Variants in FAM3D observed in about 807,000 individuals in gnomAD.
FAM3D encodes the protein FAM3 metabolism regulating signaling molecule D.
In FAM3D, 26 loss-of-function variants were observed where a neutral mutation model predicts 29.8. That is an observed-to-expected ratio of 0.87 (90% CI 0.64 to 1.21). The LOEUF (loss-of-function observed/expected upper bound fraction) is 1.21, where lower values mean the gene tolerates loss of function less well. FAM3D is among the 50% of genes most tolerant of loss of function. The probability of loss-of-function intolerance (pLI) is 0.00; values close to 1 mark genes in which losing one functional copy is unlikely to be tolerated. For missense variants in FAM3D, 253 were observed against 290.9 expected (o/e 0.87, Z 0.95); for synonymous variants, 115 against 102.3 (o/e 1.12, Z -0.75).
At chr3:58,650,992 C>T (rs1240119177) in intron 3 of FAM3D, among the ~76,000 whole-genome samples, 1 of 149,692 alleles carries the variant, frequency 6.7e-6, no homozygotes, top group Non-Finnish European at 1.5e-5. Context: ...GCTGGGATTA[C>T]AGGCGTGAGC....
In FAM3D at chr3:58,634,077, C is replaced by T. The variant is rs1184140953; in HGVS notation, c.*202G>A. ...ACAGACAGCTGGTTCCAGAAGGACCCTCTGAGGCTGGTCTTCCGGGTAGGA... is the reference window on the plus strand; with the variant it reads ...ACAGACAGCTGGTTCCAGAAGGACCTTCTGAGGCTGGTCTTCCGGGTAGGA... On this transcript the variant is annotated 3_prime_UTR_variant, in exon 10 of 10. Coordinates refer to ENST00000358781, the MANE Select transcript of FAM3D (RefSeq NM_138805.3). The surrounding 1 kb of genome is among the most constrained non-coding windows in gnomAD (Gnocchi z 4.6). The T allele has an allele frequency of 5.6e-6, 3 of 537,122 alleles. No individual in the cohort carries two copies. Among genetic ancestry groups the T allele is most frequent in the African/African-American group, 2.0e-5 (1 of 50,600 alleles). The allele number at this position is 537,122 out of a possible 1,614,324, so 33.3% of individuals were successfully genotyped here. A position where few individuals can be genotyped will look rare whatever the true frequency, so the allele number is the denominator to read the frequency against.
At chr3:58,666,348 A>T (rs1248953480) in intron 1 of FAM3D, among the ~76,000 whole-genome samples, 1 of 152,204 alleles carries the variant, frequency 6.6e-6, no homozygotes, top group African/African-American at 2.4e-5. Flanking sequence ...CCTTTTTATC[A>T]CAGTCTAATT....
chr3:58,645,896 T>G (rs2066464693), intron 4 of FAM3D, among the ~76,000 whole-genome samples: 1 of 152,176 alleles, frequency 6.6e-6, no homozygotes, highest in Admixed American at 6.5e-5. Flanking sequence ...AGGGCACCCT[T>G]GGTAAATGTA....
At chr3:58,637,617 G>A (rs1078849) in intron 7 of FAM3D, among the ~76,000 whole-genome samples, 51,878 of 151,902 alleles carry the variant, frequency 0.34, 9,298 homozygotes, top group African/African-American at 0.47. Context: ...CCCATTCTAC[G>A]CTGGACAATG....
rs1342563321 is a variant in FAM3D at position 58,635,327 on chromosome 3, A to G, written c.586-959T>C. Among the ~76,000 whole-genome samples the G allele has an allele frequency of 6.6e-6, 1 of 152,224 alleles. No individual in the cohort carries two copies. Among genetic ancestry groups the G allele is most frequent in the African/African-American group, 2.4e-5 (1 of 41,456 alleles). Reference sequence around the variant, plus strand: ...TGTGGCTGACTCTCAGGAATTAAAAAAGAGATTCTAGATGCTACCTGCCTA... The same window carrying G: ...TGTGGCTGACTCTCAGGAATTAAAAGAGAGATTCTAGATGCTACCTGCCTA... On this transcript the variant is annotated intron_variant, in intron 9 of 9. Coordinates refer to ENST00000358781, the MANE Select transcript of FAM3D (RefSeq NM_138805.3). This position sits in a 1 kb window ranked among gnomAD's most constrained non-coding sequence, Gnocchi z 5.2.
intron 3 of FAM3D, 199 bp from the exon 4 acceptor site, chr3:58,649,537 G>GA: frequency 1.6e-6 from 1 of 620,904 alleles, no homozygotes; most frequent in Non-Finnish European, 2.9e-6. Context: ...AGATACACAT[G>GA]TGTACACACA....
rs373705839 is a variant in FAM3D at position 58,649,379 on chromosome 3, G to T, written c.122-41C>A. The T allele has an allele frequency of 4.3e-6, 7 of 1,613,448 alleles. 1 individual carries two copies. The South Asian group carries it at 7.7e-5, about 18-fold the overall frequency. The stretch of plus-strand genomic sequence containing the variant: ...AATCTGGTTAGAGGAAAAGCACTTC[G>T]GACCCTCCTGCAGGATGGAGGTTGG... On this transcript the variant is annotated intron_variant, in intron 3 of 9. Coordinates refer to ENST00000358781, the MANE Select transcript of FAM3D (RefSeq NM_138805.3).
intron 6 of FAM3D, among the ~76,000 whole-genome samples, chr3:58,641,915 G>C (rs578144207): frequency 6.6e-6 from 1 of 152,230 alleles, no homozygotes; most frequent in Non-Finnish European, 1.5e-5. Flanking sequence ...CCATTTAGGG[G>C]AGAAAGTCAG....
intron 1 of FAM3D, among the ~76,000 whole-genome samples, chr3:58,658,045 C>A (rs917312183): frequency 2.6e-5 from 4 of 152,050 alleles, no homozygotes; most frequent in African/African-American, 9.7e-5. Context: ...GGTCTGGGGA[C>A]AAGGTGGGGT....
In FAM3D at chr3:58,634,205, C is replaced by T. The variant is rs2066095052; in HGVS notation, c.*74G>A. On this transcript the variant is annotated 3_prime_UTR_variant, in exon 10 of 10. Coordinates refer to ENST00000358781, the MANE Select transcript of FAM3D (RefSeq NM_138805.3). This position sits in a 1 kb window ranked among gnomAD's most constrained non-coding sequence, Gnocchi z 4.6. ...GCACCCCCTGCTCCTCCTCCTCAGC[C>T]CCTGCCGGGCTCTGACTCCTAAGTC... The T allele has an allele frequency of 7.1e-7, 1 of 1,402,634 alleles. No homozygotes were observed. Among genetic ancestry groups the T allele is most frequent in the Admixed American group, 1.8e-5 (1 of 55,530 alleles). 86.9% of individuals were successfully genotyped at this position (1,402,634 alleles called of 1,614,324 possible). A position where few individuals can be genotyped will look rare whatever the true frequency, so the allele number is the denominator to read the frequency against.
chr3:58,655,794 C>G (rs1416655836), intron 1 of FAM3D, among the ~76,000 whole-genome samples, 193 bp from the exon 2 acceptor site: 1 of 152,154 alleles, frequency 6.6e-6, no homozygotes, highest in African/African-American at 2.4e-5. Context: ...CACTCTTGCC[C>G]CTGGAGTTTT....
chr3:58,640,096 C>T, intron 7 of FAM3D, 31 bp downstream of exon 7: 1 of 1,613,396 alleles, frequency 6.2e-7, no homozygotes, highest in Admixed American at 1.7e-5. Flanking sequence ...GCACCCCCGA[C>T]TGTGACTTCA....
At chr3:58,664,148 G>T (rs753568832) in intron 1 of FAM3D, among the ~76,000 whole-genome samples, 4 of 152,168 alleles carry the variant, frequency 2.6e-5, no homozygotes, top group African/African-American at 9.7e-5. Flanking sequence ...TTAGGCCTCA[G>T]TAGTTCACTG....
intron 1 of FAM3D, among the ~76,000 whole-genome samples, chr3:58,663,925 G>A (rs1450764159): frequency 2.0e-5 from 3 of 152,180 alleles, no homozygotes; most frequent in Non-Finnish European, 4.4e-5. Flanking sequence ...CTCGCCAGAG[G>A]AATTCCATAC....
At chr3:58,645,011 G>A (rs1474859906) in intron 5 of FAM3D, among the ~76,000 whole-genome samples, 3 of 152,230 alleles carry the variant, frequency 2.0e-5, no homozygotes, top group Non-Finnish European at 4.4e-5. Context: ...TGCACTTGCT[G>A]TCCCAGGGCC....
intron 1 of FAM3D, among the ~76,000 whole-genome samples, chr3:58,657,202 C>G (rs1225392640): frequency 6.6e-6 from 1 of 151,994 alleles, no homozygotes; most frequent in Non-Finnish European, 1.5e-5. Context: ...TCGGAGGAAC[C>G]CCATGTTAGA....
intron 1 of FAM3D, among the ~76,000 whole-genome samples, chr3:58,660,686 T>A (rs1389856712): frequency 6.6e-6 from 1 of 152,146 alleles, no homozygotes; most frequent in Non-Finnish European, 1.5e-5. Context: ...CAGAGCTGCA[T>A]GGCGGGAAAT....
intron 1 of FAM3D, among the ~76,000 whole-genome samples, chr3:58,658,705 T>TC (rs955639763): frequency 2.0e-5 from 3 of 152,138 alleles, no homozygotes; most frequent in African/African-American, 7.2e-5. Flanking sequence ...CTTTGCAATT[T>TC]CCCTGTGATT....
intron 7 of FAM3D, among the ~76,000 whole-genome samples, chr3:58,638,146 AGT>A (rs2066228408): frequency 6.6e-6 from 1 of 152,172 alleles, no homozygotes; most frequent in African/African-American, 2.4e-5. Flanking sequence ...GACCTCCCAA[AGT>A]GCTGGGATTA....
Sources: gnomAD v4.1 joint callset for allele counts (sites outside exome capture counted in the v4.1 genomes callset) on GRCh38, gnomAD v4.1.1 for gene constraint, Gnocchi (gnomAD v3.1) non-coding constraint, MANE v1.5 for transcripts, NCBI Gene and HGNC (gene_info 2026-07-23, HGNC 2026-07-21) for gene names.